Variants in VWA3A observed in about 807,000 individuals in gnomAD.
The protein encoded by VWA3A is von Willebrand factor A domain-containing protein 3A.
Under a neutral mutation model 160.4 loss-of-function variants are expected in VWA3A, and 134 were observed. That is an observed-to-expected ratio of 0.84 (90% CI 0.73 to 0.96). The LOEUF (loss-of-function observed/expected upper bound fraction) is 0.96, where lower values mean the gene tolerates loss of function less well. Ranked by LOEUF, VWA3A falls within the 40% of genes least tolerant of loss-of-function variation. VWA3A has a pLI of 0.00. For missense variants in VWA3A, 1,310 were observed against 1,447.9 expected (o/e 0.90, Z 1.55); for synonymous variants, 476 against 543.4 (o/e 0.88, Z 1.72).
chr16:22,103,484 A>AGTCT lies in VWA3A; in HGVS notation c.439_442dup (p.Tyr148CysfsTer53). Reference sequence around the variant, plus strand: ...TCTGATGTCTTGACAGCACTATTGAAGTCTATCAAGAGAGAATTCAGTGGC... The same window carrying AGTCT: ...TCTGATGTCTTGACAGCACTATTGAAGTCTGTCTATCAAGAGAGAATTCAGTGGC... On this transcript the variant is annotated frameshift_variant, in exon 6 of 34. Transcript: ENST00000389398. LOFTEE classifies it high-confidence loss of function. 1 of 1,551,854 alleles carries AGTCT rather than the reference A, an allele frequency of 6.4e-7. No individual in the cohort carries two copies. The highest frequency in any genetic ancestry group is 8.7e-7 in the Non-Finnish European group (1 of 1,147,002).
intron 28 of VWA3A, 26 bp from the exon 29 acceptor site, chr16:22,149,761 T>C (rs1391212654): frequency 1.3e-6 from 2 of 1,577,504 alleles, no homozygotes; most frequent in East Asian, 4.5e-5. Context: ...TCTCTGCCCC[T>C]CACCTCCTCT....
In VWA3A at chr16:22,133,008, C is replaced by G; in HGVS notation, c.1981C>G (p.Arg661Gly). The change falls in exon 20 of 34, where the codon CGC (arginine) becomes GGC (glycine). Residue 661 changes from arginine (R) to glycine (G), a missense_variant. Transcript: ENST00000389398. ...AAAGATGGACACCACACCCCCTGCCCGCTATGCCAGTCACACTGACACAGC... is the reference window on the plus strand; with the variant it reads ...AAAGATGGACACCACACCCCCTGCCGGCTATGCCAGTCACACTGACACAGC... The part of the protein sequence containing the change: ...EPKMDTTPPA[R>G]YASHTDTAAA... 8 of 1,613,988 alleles carry G rather than the reference C, an allele frequency of 5.0e-6. No individual in the cohort carries two copies. Among genetic ancestry groups the G allele is most frequent in the Non-Finnish European group, 6.8e-6 (8 of 1,179,896 alleles).
intron 16 of VWA3A, 102 bp from the exon 17 acceptor site, chr16:22,126,076 T>C (rs1598075679): frequency 1.3e-6 from 2 of 1,523,070 alleles, no homozygotes; most frequent in South Asian, 1.2e-5. Flanking sequence ...GAATTTGGCA[T>C]GCAAAATTCC....
At chr16:22,102,294 T>G (rs1280617499) in intron 5 of VWA3A, among the ~76,000 whole-genome samples, 2 of 152,086 alleles carry the variant, frequency 1.3e-5, no homozygotes, top group African/African-American at 4.8e-5. Context: ...GAAGCTGCAG[T>G]GAGCCATGAT....
chr16:22,111,016 C>A, intron 8 of VWA3A, 22 bp downstream of exon 8: 1 of 1,566,090 alleles, frequency 6.4e-7, no homozygotes, highest in Non-Finnish European at 8.7e-7. Flanking sequence ...TCCTACCTGA[C>A]GGTGATGTTC....
At chr16:22,125,060 C>T (rs546858231) in intron 16 of VWA3A, among the ~76,000 whole-genome samples, 1 of 151,988 alleles carries the variant, frequency 6.6e-6, no homozygotes, top group African/African-American at 2.4e-5. Context: ...TACTTGCTCA[C>T]CTGGTTTTCG....
At chr16:22,154,323 CTTTTTTTT>C (rs988862954) in intron 31 of VWA3A, among the ~76,000 whole-genome samples, 5 of 73,904 alleles carry the variant, frequency 6.8e-5, no homozygotes, top group African/African-American at 2.1e-4. Flanking sequence ...TTTTCTTTTT[CTTTTTTTT>C]TTTTTTTTTT....
intron 21 of VWA3A, among the ~76,000 whole-genome samples, chr16:22,137,226 T>A (rs1281099322): frequency 6.6e-6 from 1 of 152,188 alleles, no homozygotes; most frequent in African/African-American, 2.4e-5. Flanking sequence ...AGAGGATGCT[T>A]ATTTACATTT....
chr16:22,151,649 A>T (rs966022249), intron 30 of VWA3A, among the ~76,000 whole-genome samples: 1 of 152,126 alleles, frequency 6.6e-6, no homozygotes, highest in Non-Finnish European at 1.5e-5. Context: ...AGGTGGGAGG[A>T]TCACTTGAGG....
At position 22,110,953 on chromosome 16, in the gene VWA3A, CG is replaced by C; in HGVS notation, c.651del (p.Ser218ProfsTer21). 6.2e-7 allele frequency: 1 copy of C among 1,610,374 alleles called. No homozygotes were observed. The highest frequency in any genetic ancestry group is 8.5e-7 in the Non-Finnish European group (1 of 1,178,514). On this transcript the variant is annotated frameshift_variant, in exon 8 of 34. Transcript: ENST00000389398. LOFTEE classifies it high-confidence loss of function. ...LFVLSFGTNA[G>X]SLWPDPMEVS... is the part of the protein sequence containing the mutation. ...TTGTCCTGTCCTTTGGCACCAATGC[CG>C]GGTCCCTCTGGCCAGACCCCATGGA...
rs537624964 is a variant in VWA3A, at chr16:22,144,340, G to A, written c.2686G>A (p.Ala896Thr). 1.2e-6 allele frequency: 2 copies of A among 1,613,952 alleles called. No homozygotes were observed. Among genetic ancestry groups the A allele is most frequent in the African/African-American group, 1.3e-5 (1 of 75,030 alleles). ...CTHQKSGQRS[A>T]SAKHCSIFPS... ...TCATCAAAAGTCAGGACAGAGGTCA[G>A]CATCCGCCAAACACTGCAGCATCTT... The change falls in exon 26 of 34, where the codon GCA becomes ACA. Residue 896 changes from alanine to threonine, a missense_variant. Transcript: ENST00000389398.
intron 16 of VWA3A, among the ~76,000 whole-genome samples, chr16:22,124,447 T>C (rs1287839601): frequency 6.6e-6 from 1 of 150,692 alleles, no homozygotes; most frequent in Admixed American, 6.6e-5. Context: ...ACAATAGTTA[T>C]CTATTATGGC....
At position 22,151,426 on chromosome 16, in the gene VWA3A, A is replaced by C. The variant is rs78497321; in HGVS notation, c.3281+580A>C. 9.2e-3 allele frequency among the ~76,000 whole-genome samples: 1,401 copies of C among 152,374 alleles called. 20 individuals carry two copies. Among genetic ancestry groups the C allele is most frequent in the African/African-American group, 0.031 (1,271 of 41,594 alleles). The stretch of plus-strand genomic sequence containing the variant: ...CCTCCAGCCTGGAAACACATTTGCA[A>C]GGGATTCACACAGTCATTTTACAGT... On this transcript the variant is annotated intron_variant, in intron 30 of 33. Coordinates refer to ENST00000389398, the MANE Select transcript of VWA3A (RefSeq NM_173615.5).
At chr16:22,140,543 C>T (rs1175386513) in intron 23 of VWA3A, among the ~76,000 whole-genome samples, 2 of 151,736 alleles carry the variant, frequency 1.3e-5, no homozygotes, top group Non-Finnish European at 2.9e-5. Flanking sequence ...AAGTTCGAAG[C>T]TGCAGTGAGC....
chr16:22,109,516 T>A lies in VWA3A; in HGVS notation c.518T>A (p.Ile173Asn), dbSNP rs772951114. 160 of 1,612,302 alleles carry A rather than the reference T, an allele frequency of 9.9e-5. No individual in the cohort carries two copies. The highest frequency in any genetic ancestry group is 1.3e-4 in the Non-Finnish European group (150 of 1,179,340). Residue 173 changes from isoleucine (I) to asparagine (N), a missense_variant, in exon 7 of 34, where the codon ATC (isoleucine) becomes AAC (asparagine). Physicochemically the swap from Ile to Asn is moderately radical, Grantham distance 149. Coordinates refer to ENST00000389398, the MANE Select transcript of VWA3A (RefSeq NM_173615.5). ...FGLIKGARVS[I>N]LIDVSAISSG... ...CTCATCAAAGGGGCCAGAGTCAGCA[T>A]CCTCATAGATGTGTCAGCCATCAGC... is the stretch of plus-strand genomic sequence containing the variant.
Position 22,152,567 on chromosome 16 carries a change from GC to G in VWA3A, c.3341del (p.Pro1114LeufsTer14), listed in dbSNP as rs767167126. ...LASFTGGRYH[C>X]PVGEDTLSKI... is the part of the protein sequence containing the mutation. Reference sequence around the variant, plus strand: ...TCCTTCACCGGCGGACGCTATCACTGCCCTGTGGGTGAGGACACACTCTCCA... The same window carrying G: ...TCCTTCACCGGCGGACGCTATCACTGCCTGTGGGTGAGGACACACTCTCCA... On this transcript the variant is annotated frameshift_variant, in exon 31 of 34. Transcript: ENST00000389398. LOFTEE classifies it high-confidence loss of function. 6.2e-7 allele frequency: 1 copy of G among 1,612,400 alleles called. No homozygotes were observed. Among genetic ancestry groups the G allele is most frequent in the South Asian group, 1.1e-5 (1 of 90,640 alleles).
chr16:22,138,476 C>T lies in VWA3A; in HGVS notation c.2256C>T (p.Cys752=). 1 of 1,613,382 alleles carries T rather than the reference C, an allele frequency of 6.2e-7. No homozygotes were observed. The highest frequency in any genetic ancestry group is 8.5e-7 in the Non-Finnish European group (1 of 1,179,726). ...LQLRSQPKKL[C]PPRPTVPLGA... Reference sequence around the variant, plus strand: ...TAAGAAGTCAGCCCAAGAAGCTCTGCCCTCCCAGGCCCACCGTCCCCCTGG... The same window carrying T: ...TAAGAAGTCAGCCCAAGAAGCTCTGTCCTCCCAGGCCCACCGTCCCCCTGG... Residue 752 remains cysteine (C), a synonymous_variant, in exon 22 of 34, where the codon TGC becomes TGT. Transcript: ENST00000389398.
In VWA3A at chr16:22,142,727, G is replaced by T. The variant is rs1319519692; in HGVS notation, c.2554G>T (p.Asp852Tyr). The T allele has an allele frequency of 1.3e-6, 2 of 1,575,150 alleles. No individual in the cohort carries two copies. The highest frequency in any genetic ancestry group is 2.3e-5 in the South Asian group (2 of 85,488). Reference sequence around the variant, plus strand: ...CTTGAGAAGGACTAGCTCTTCTATTGACTTACCCAGAAAGGATACAGTTTG... The same window carrying T: ...CTTGAGAAGGACTAGCTCTTCTATTTACTTACCCAGAAAGGATACAGTTTG... ...RGLRRTSSSI[D>Y]LPRKDTVCSS... The change falls in exon 25 of 34, where the codon GAC (aspartate) becomes TAC (tyrosine). Residue 852 changes from aspartate (D) to tyrosine (Y), a missense_variant. Asp to Tyr is a radical substitution (Grantham distance 160). Transcript: ENST00000389398.
At chr16:22,143,992 G>A (rs1042721642) in intron 25 of VWA3A, among the ~76,000 whole-genome samples, 13 of 151,732 alleles carry the variant, frequency 8.6e-5, no homozygotes, top group Admixed American at 3.9e-4. Flanking sequence ...GAGAACCACC[G>A]CTGTCAGCCT....
Sources: allele counts gnomAD v4.1 joint callset (sites outside exome capture counted in the v4.1 genomes callset), GRCh38; gene constraint gnomAD v4.1.1; transcripts MANE v1.5; gene names NCBI Gene and HGNC (gene_info 2026-07-23, HGNC 2026-07-21).